The following RYR2 variants were observed in gnomAD, a reference collection of about 807,000 sequenced individuals.
The protein encoded by RYR2 is cardiac muscle ryanodine receptor-calcium release channel.
A neutral mutation model predicts 601.1 loss-of-function variants in RYR2; 227 were observed. The observed-to-expected ratio is 0.38, with a 90% CI of 0.34 to 0.42. The LOEUF is 0.42. Ranked by LOEUF, RYR2 falls within the 10% of genes least tolerant of loss-of-function variation. The probability of loss-of-function intolerance (pLI) is 1.00; values close to 1 mark genes in which losing one functional copy is unlikely to be tolerated. For synonymous variants in RYR2, 2,223 were observed against 2,175.1 expected (o/e 1.02, Z -0.61); for missense variants, 4,646 against 6,156.5 (o/e 0.75, Z 8.21).
chr1:237,360,836 AT>A (rs1165401588), intron 4 of RYR2, among the ~76,000 whole-genome samples: 1 of 152,146 alleles, frequency 6.6e-6, no homozygotes, highest in Non-Finnish European at 1.5e-5. Context: ...CATCTTGGAC[AT>A]TTTTAGCAGG....
intron 1 of RYR2, among the ~76,000 whole-genome samples, chr1:237,090,408 G>T (rs948281148): frequency 6.6e-6 from 1 of 152,118 alleles, no homozygotes; most frequent in African/African-American, 2.4e-5. Flanking sequence ...GAGGCAGGGG[G>T]ATCAGAGTCA....
intron 8 of RYR2, among the ~76,000 whole-genome samples, chr1:237,383,397 AT>A (rs1353648941): frequency 1.5e-5 from 1 of 67,132 alleles, no homozygotes; most frequent in East Asian, 3.0e-4. Flanking sequence ...ATTTTTTTAC[AT>A]TTTCTTTTCT....
intron 27 of RYR2, among the ~76,000 whole-genome samples, chr1:237,554,829 C>G (rs1037599574): frequency 1.3e-5 from 2 of 152,024 alleles, no homozygotes; most frequent in Admixed American, 1.3e-4. Flanking sequence ...TGATATCTCT[C>G]TTTTCATTCC....
chr1:237,698,381 A>G (rs1028503718), intron 63 of RYR2, among the ~76,000 whole-genome samples: 2 of 152,008 alleles, frequency 1.3e-5, no homozygotes, highest in African/African-American at 2.4e-5. Flanking sequence ...GAGGAGTATT[A>G]TTTAACTTCT....
At chr1:237,442,618 C>T (rs1708010496) in intron 13 of RYR2, among the ~76,000 whole-genome samples, 1 of 152,096 alleles carries the variant, frequency 6.6e-6, no homozygotes, top group Non-Finnish European at 1.5e-5. Flanking sequence ...AATTCATGCA[C>T]TTATTTATTT....
At position 237,765,368 on chromosome 1, in the gene RYR2, A is replaced by G. The variant is rs558438967; in HGVS notation, c.11476+4340A>G. Among the ~76,000 whole-genome samples the G allele has an allele frequency of 3.4e-4, 51 of 152,236 alleles. 1 individual carries two copies. Among genetic ancestry groups the G allele is most frequent in the African/African-American group, 1.2e-3 (49 of 41,548 alleles). ...GTCCTGGACTTCATAAAAGCAAGACAAAGTTTTGAAGTTGATCCGATTTCT... is the reference window on the plus strand; with the variant it reads ...GTCCTGGACTTCATAAAAGCAAGACGAAGTTTTGAAGTTGATCCGATTTCT... On this transcript the variant is annotated intron_variant, in intron 84 of 104. Transcript: ENST00000366574.
chr1:237,729,473 A>T (rs1262652990), intron 76 of RYR2, among the ~76,000 whole-genome samples: 1 of 152,082 alleles, frequency 6.6e-6, no homozygotes, highest in East Asian at 1.9e-4. Flanking sequence ...GCCCTTCATA[A>T]ACCTGTCTAA....
intron 24 of RYR2, among the ~76,000 whole-genome samples, chr1:237,524,845 A>G (rs1667418067): frequency 6.6e-6 from 1 of 152,062 alleles, no homozygotes; most frequent in Admixed American, 6.6e-5. Context: ...GAGACCTTTC[A>G]CTGATTAGTT....
At chr1:237,450,349 G>C (rs112980337) in intron 14 of RYR2, among the ~76,000 whole-genome samples, 1 of 152,216 alleles carries the variant, frequency 6.6e-6, no homozygotes, top group Non-Finnish European at 1.5e-5. Flanking sequence ...CATGGAGACT[G>C]TCAGGCCACA....
chr1:237,419,734 G>A (rs1216948706), intron 11 of RYR2, among the ~76,000 whole-genome samples: 3 of 152,024 alleles, frequency 2.0e-5, no homozygotes, highest in Admixed American at 6.6e-5. Flanking sequence ...TCATATGTAC[G>A]GAATATCATT....
intron 35 of RYR2, among the ~76,000 whole-genome samples, chr1:237,603,010 G>A (rs953847056): frequency 7.2e-5 from 11 of 152,112 alleles, no homozygotes; most frequent in African/African-American, 1.4e-4. Flanking sequence ...AAATGAATAC[G>A]CGAAGGCCCG....
intron 87 of RYR2, among the ~76,000 whole-genome samples, 151 bp downstream of exon 87, chr1:237,773,799 A>T (rs1289468236): frequency 6.6e-6 from 1 of 152,202 alleles, no homozygotes; most frequent in East Asian, 1.9e-4. Flanking sequence ...ATGTGAATTT[A>T]TATGGAATGA....
chr1:237,211,847 G>A (rs1682616603), intron 1 of RYR2, among the ~76,000 whole-genome samples: 1 of 152,196 alleles, frequency 6.6e-6, no homozygotes, highest in South Asian at 2.1e-4. Context: ...ATTTACTCCT[G>A]AGGATGGTTG....
intron 89 of RYR2, among the ~76,000 whole-genome samples, chr1:237,783,140 C>T (rs1025691789): frequency 6.6e-6 from 1 of 152,154 alleles, no homozygotes; most frequent in Non-Finnish European, 1.5e-5. Context: ...ACAGTTTGCT[C>T]TCAGGATCTG....
chr1:237,284,992 T>C (rs962055009), intron 2 of RYR2, among the ~76,000 whole-genome samples: 1 of 152,128 alleles, frequency 6.6e-6, no homozygotes, highest in Non-Finnish European at 1.5e-5. Context: ...AAGTCTGACT[T>C]CCTCTTTACT....
intron 4 of RYR2, among the ~76,000 whole-genome samples, chr1:237,359,421 A>C (rs554273157): frequency 2.8e-4 from 43 of 152,244 alleles, no homozygotes; most frequent in African/African-American, 9.9e-4. Context: ...CCCTTCGGAG[A>C]CTGGTCATTG....
intron 1 of RYR2, among the ~76,000 whole-genome samples, chr1:237,128,326 A>T (rs1030159539): frequency 6.6e-6 from 1 of 152,230 alleles, no homozygotes; most frequent in African/African-American, 2.4e-5. Context: ...TGGCAGCAGT[A>T]CAGTCCAGCT....
chr1:237,524,444 C>T (rs189353858), intron 24 of RYR2, among the ~76,000 whole-genome samples: 97 of 152,126 alleles, frequency 6.4e-4, no homozygotes, highest in African/African-American at 1.1e-3. Context: ...CTCATGGGCT[C>T]GTGGAAATGG....
At position 237,416,761 on chromosome 1, in the gene RYR2, C is replaced by G. The variant is rs5023789; in HGVS notation, c.774-288C>G. The stretch of plus-strand genomic sequence containing the variant: ...AGGGATGGGAAGAAACACACACACA[C>G]ACAGAGAGAGAGAGAGAGAGAGAAT... On this transcript the variant is annotated intron_variant, in intron 10 of 104. Transcript: ENST00000366574. Among the ~76,000 whole-genome samples, 111,904 of 146,714 alleles carry G rather than the reference C, an allele frequency of 0.76. 43,315 individuals carry two copies. Among genetic ancestry groups the G allele is most frequent in the East Asian group, 1 (4,788 of 4,812 alleles).
Sources: gnomAD v4.1 joint callset for allele counts (sites outside exome capture counted in the v4.1 genomes callset) on GRCh38, gnomAD v4.1.1 for gene constraint, MANE v1.5 for transcripts, NCBI Gene and HGNC (gene_info 2026-07-23, HGNC 2026-07-21) for gene names.